Variants in CREB5 observed in about 807,000 individuals in gnomAD.
The protein encoded by CREB5 is cAMP responsive element binding protein 5, also known as cyclic AMP-responsive element-binding protein 5.
A neutral mutation model predicts 57.1 loss-of-function variants in CREB5; 19 were observed. The observed-to-expected ratio is 0.33, with a 90% CI of 0.23 to 0.49. CREB5 has a LOEUF of 0.49. Ranked by LOEUF, CREB5 falls within the 20% of genes least tolerant of loss-of-function variation. The pLI is 0.99. For synonymous variants in CREB5, 238 were observed against 238.3 expected (o/e 1.00, Z 0.01); for missense variants, 579 against 671.6 (o/e 0.86, Z 1.52).
At chr7:28,490,589 G>A (rs1459574767) in intron 2 of CREB5, among the ~76,000 whole-genome samples, 3 of 152,212 alleles carry the variant, frequency 2.0e-5, no homozygotes, top group African/African-American at 2.4e-5. Flanking sequence ...GCTTGGCACC[G>A]TTAATATTTG....
At chr7:28,419,212 C>T (rs1362999119) in intron 1 of CREB5, among the ~76,000 whole-genome samples, 1 of 152,204 alleles carries the variant, frequency 6.6e-6, no homozygotes, top group Non-Finnish European at 1.5e-5. Flanking sequence ...ATGTAAGTTA[C>T]TCATCTGTTT....
At chr7:28,623,298 G>T (rs981964696) in intron 5 of CREB5, among the ~76,000 whole-genome samples, 6 of 152,234 alleles carry the variant, frequency 3.9e-5, no homozygotes, top group African/African-American at 1.4e-4. Flanking sequence ...GATGTACCAT[G>T]TACAGTCAAG....
intron 5 of CREB5, among the ~76,000 whole-genome samples, chr7:28,702,605 T>A (rs1222863046): frequency 6.6e-6 from 1 of 152,190 alleles, no homozygotes; most frequent in Non-Finnish European, 1.5e-5. Context: ...ATTTTCCCAA[T>A]GGTGAAAGGA....
chr7:28,742,064 T>TAA (rs58431827), intron 7 of CREB5, among the ~76,000 whole-genome samples: 1,210 of 111,380 alleles, frequency 0.011, 24 homozygotes, highest in African/African-American at 0.038. Flanking sequence ...AGATTCCCTC[T>TAA]AAAAAAAAAA....
intron 1 of CREB5, among the ~76,000 whole-genome samples, chr7:28,416,839 A>G (rs1788047017): frequency 6.6e-6 from 1 of 152,058 alleles, no homozygotes; most frequent in Non-Finnish European, 1.5e-5. Context: ...CATTTCAACT[A>G]CTCTGCCTTG....
At chr7:28,613,725 G>T (rs1797490404) in intron 5 of CREB5, among the ~76,000 whole-genome samples, 1 of 152,128 alleles carries the variant, frequency 6.6e-6, no homozygotes, top group African/African-American at 2.4e-5. Context: ...AGGCATTTGT[G>T]GAAATCTTGA....
At chr7:28,411,910 A>T (rs1362217458), upstream of CREB5, among the ~76,000 whole-genome samples, 4 of 152,122 alleles carry the variant, frequency 2.6e-5, no homozygotes, top group African/African-American at 9.7e-5. Context: ...ATATATGTGC[A>T]TCGAAAATGT....
At chr7:28,673,846 G>C (rs1800185400) in intron 5 of CREB5, among the ~76,000 whole-genome samples, 1 of 151,632 alleles carries the variant, frequency 6.6e-6, no homozygotes, top group East Asian at 1.9e-4. Context: ...ACTAATTTTT[G>C]TATTTTTTGT....
At chr7:28,625,872 A>G (rs1439547197) in intron 5 of CREB5, among the ~76,000 whole-genome samples, 1 of 152,210 alleles carries the variant, frequency 6.6e-6, no homozygotes, top group Non-Finnish European at 1.5e-5. Flanking sequence ...TTCAATAAGA[A>G]CAATTTTCTG....
In CREB5 at chr7:28,556,858, C is replaced by T. The variant is rs530638807; in HGVS notation, c.292-13507C>T. 2.6e-5 allele frequency among the ~76,000 whole-genome samples: 4 copies of T among 152,320 alleles called. No homozygotes were observed. The South Asian group carries it at 8.3e-4, about 32-fold the overall frequency. ...CAGGGAGACACTGGGCATCTATTCTCCTAGCTCCTTCAGTTGGCTGCTTTC... is the reference window on the plus strand; with the variant it reads ...CAGGGAGACACTGGGCATCTATTCTTCTAGCTCCTTCAGTTGGCTGCTTTC... On this transcript the variant is annotated intron_variant, in intron 4 of 10. Transcript: ENST00000357727.
At chr7:28,589,511 G>A (rs746786356) in intron 5 of CREB5, among the ~76,000 whole-genome samples, 6 of 152,196 alleles carry the variant, frequency 3.9e-5, no homozygotes, top group East Asian at 1.9e-4. Context: ...CCAAGATCAC[G>A]CCACTGCACT....
chr7:28,395,194 T>C (rs528618412), intron 1 of CREB5, among the ~76,000 whole-genome samples: 4 of 152,374 alleles, frequency 2.6e-5, no homozygotes, highest in Middle Eastern at 3.4e-3. Flanking sequence ...AATCTCATCA[T>C]ACTCTCAGAT....
chr7:28,719,170 C>G (rs1802876734), intron 6 of CREB5, among the ~76,000 whole-genome samples: 1 of 152,196 alleles, frequency 6.6e-6, no homozygotes, highest in Non-Finnish European at 1.5e-5. Flanking sequence ...TGTTTCATAT[C>G]TACTCCAAAG....
At chr7:28,660,276 C>T (rs1045725275) in intron 5 of CREB5, among the ~76,000 whole-genome samples, 7 of 151,896 alleles carry the variant, frequency 4.6e-5, no homozygotes, top group African/African-American at 1.5e-4. Context: ...ATCAGCACCA[C>T]GTGTTCTTAG....
chr7:28,475,047 A>G (rs1790999782), intron 1 of CREB5, among the ~76,000 whole-genome samples: 1 of 152,140 alleles, frequency 6.6e-6, no homozygotes, highest in Non-Finnish European at 1.5e-5. Context: ...ACCTTTCTGC[A>G]TTGGGAGGTG....
chr7:28,510,092 G>A (rs550284482), intron 4 of CREB5, among the ~76,000 whole-genome samples: 1 of 152,310 alleles, frequency 6.6e-6, no homozygotes, highest in Admixed American at 6.5e-5. Flanking sequence ...TTCTTTGGAA[G>A]TCACAGGGCA....
intron 4 of CREB5, among the ~76,000 whole-genome samples, chr7:28,530,748 A>T (rs1793691297): frequency 6.6e-6 from 1 of 152,272 alleles, no homozygotes; most frequent in South Asian, 2.1e-4. Context: ...TAGAAGCGCA[A>T]GTGTGTCTCA....
At chr7:28,811,070 C>T (rs1809090154) in intron 9 of CREB5, among the ~76,000 whole-genome samples, 1 of 152,160 alleles carries the variant, frequency 6.6e-6, no homozygotes, top group South Asian at 2.1e-4. Flanking sequence ...GGGACTGTCT[C>T]TTACTACTCC....
chr7:28,687,407 A>G (rs1800998459), intron 5 of CREB5, among the ~76,000 whole-genome samples: 2 of 151,716 alleles, frequency 1.3e-5, no homozygotes. Context: ...TGTGTTCTTA[A>G]TGTTTTAAGG....
Sources: allele counts gnomAD v4.1 joint callset (sites outside exome capture counted in the v4.1 genomes callset), GRCh38; gene constraint gnomAD v4.1.1; transcripts MANE v1.5; gene names NCBI Gene and HGNC (gene_info 2026-07-23, HGNC 2026-07-21).